The following CEP57L1 variants were observed in gnomAD, a reference collection of about 807,000 sequenced individuals.
CEP57L1 encodes centrosomal protein 57 like 1, also known as centrosomal protein CEP57L1.
A neutral mutation model predicts 61.0 loss-of-function variants in CEP57L1; 37 were observed. That is an observed-to-expected ratio of 0.61 (90% CI 0.47 to 0.80). CEP57L1 has a LOEUF of 0.80. Among genes scored for constraint, CEP57L1 ranks in the 30% least tolerant of loss-of-function variants. The pLI is 0.00. For synonymous variants in CEP57L1, 137 were observed against 162.3 expected (o/e 0.84, Z 1.19); for missense variants, 422 against 524.7 (o/e 0.80, Z 1.91).
chr6:109,135,132 C>T (rs1379192066), intron 1 of CEP57L1, among the ~76,000 whole-genome samples: 1 of 152,140 alleles, frequency 6.6e-6, no homozygotes, highest in Non-Finnish European at 1.5e-5. Flanking sequence ...AAGAACAAAG[C>T]TGGAGGCATC....
At chr6:109,126,223 G>T (rs2114729673) in intron 1 of CEP57L1, among the ~76,000 whole-genome samples, 1 of 152,266 alleles carries the variant, frequency 6.6e-6, no homozygotes, top group African/African-American at 2.4e-5. Flanking sequence ...TTTATGTTGA[G>T]ATAAGAGACA....
chr6:109,149,698 A>G (rs1772378938), intron 3 of CEP57L1, among the ~76,000 whole-genome samples: 1 of 152,108 alleles, frequency 6.6e-6, no homozygotes, highest in Non-Finnish European at 1.5e-5. Context: ...GAATCTATAA[A>G]TTACTTTGGG....
At chr6:109,141,280 A>T (rs1384361517) in intron 1 of CEP57L1, among the ~76,000 whole-genome samples, 1 of 151,946 alleles carries the variant, frequency 6.6e-6, no homozygotes, top group African/African-American at 2.4e-5. Flanking sequence ...TAGTGGCGCA[A>T]TCTCGGCTCA....
intron 1 of CEP57L1, among the ~76,000 whole-genome samples, chr6:109,113,725 ATATT>A (rs1194883554): frequency 6.6e-6 from 1 of 152,140 alleles, no homozygotes; most frequent in Non-Finnish European, 1.5e-5. Context: ...ACAGTAGTAA[ATATT>A]TATTAAATAT....
intron 1 of CEP57L1, among the ~76,000 whole-genome samples, chr6:109,141,610 T>A (rs1229727587): frequency 1.3e-5 from 2 of 152,080 alleles, no homozygotes; most frequent in African/African-American, 4.8e-5. Flanking sequence ...CATCTTAACA[T>A]TTTGGTGATT....
chr6:109,110,772 T>C (rs56410714), intron 1 of CEP57L1, among the ~76,000 whole-genome samples: 6,892 of 152,304 alleles, frequency 0.045, 318 homozygotes, highest in African/African-American at 0.11. Flanking sequence ...GCACCATTTA[T>C]TAAATAGGGA....
intron 1 of CEP57L1, among the ~76,000 whole-genome samples, chr6:109,134,390 T>A (rs1394413797): frequency 6.6e-6 from 1 of 152,126 alleles, no homozygotes; most frequent in Non-Finnish European, 1.5e-5. Flanking sequence ...TCTCAATAAA[T>A]TAGGTATTGA....
chr6:109,118,588 G>A (rs1430326139), intron 1 of CEP57L1, among the ~76,000 whole-genome samples: 4 of 152,206 alleles, frequency 2.6e-5, no homozygotes, highest in Non-Finnish European at 4.4e-5. Context: ...TGGGTCAAAC[G>A]TCACTGTAGT....
At chr6:109,155,912 C>T (rs1334669981) in intron 7 of CEP57L1, 35 bp downstream of exon 7, 2 of 935,696 alleles carry the variant, frequency 2.1e-6, no homozygotes, top group Non-Finnish European at 3.4e-6. Flanking sequence ...AACAAAAATA[C>T]TGCTAATACT....
intron 1 of CEP57L1, among the ~76,000 whole-genome samples, chr6:109,102,221 A>G (rs1298113266): frequency 6.6e-6 from 1 of 152,100 alleles, no homozygotes; most frequent in Non-Finnish European, 1.5e-5. Context: ...TTTTAGAGGC[A>G]GGGTCTCCCT....
In CEP57L1 at chr6:109,114,897, C is replaced by G. The variant is rs1772101860; in HGVS notation, c.-4+19322C>G. Among the ~76,000 whole-genome samples the G allele has an allele frequency of 2.0e-5, 3 of 151,978 alleles. No individual in the cohort carries two copies. In the South Asian group the frequency reaches 6.2e-4, roughly 32 times the overall value. On this transcript the variant is annotated intron_variant, in intron 1 of 10. Coordinates refer to ENST00000517392, the MANE Select transcript of CEP57L1 (RefSeq NM_001271852.3). ...GTAAATATTTGAGGTGATGGATATGCTAATTACTCTGATATGATCATTCCA... is the reference window on the plus strand; with the variant it reads ...GTAAATATTTGAGGTGATGGATATGGTAATTACTCTGATATGATCATTCCA...
At chr6:109,112,216 A>G (rs1032900184) in intron 1 of CEP57L1, among the ~76,000 whole-genome samples, 16 of 152,248 alleles carry the variant, frequency 1.1e-4, no homozygotes, top group Non-Finnish European at 8.8e-5. Flanking sequence ...TTATTGGTCT[A>G]TTCCGGGATT....
intron 1 of CEP57L1, among the ~76,000 whole-genome samples, chr6:109,133,203 G>A (rs1477848337): frequency 1.3e-5 from 2 of 152,084 alleles, no homozygotes; most frequent in Non-Finnish European, 2.9e-5. Context: ...AGCAGGGACC[G>A]GTTTTATGGA....
At chr6:109,158,879 G>A (rs1015188640) in intron 7 of CEP57L1, 146 bp from the exon 8 acceptor site, 14 of 699,856 alleles carry the variant, frequency 2.0e-5, no homozygotes, top group Non-Finnish European at 2.7e-5. Flanking sequence ...TTTGTCATAC[G>A]TATGTCTATG....
chr6:109,147,565 CT>C (rs1772105200), intron 3 of CEP57L1, among the ~76,000 whole-genome samples: 1 of 151,634 alleles, frequency 6.6e-6, no homozygotes, highest in South Asian at 2.1e-4. Context: ...TGTGTTTCAA[CT>C]TAGAAGTAGA....
At chr6:109,115,131 ACTTC>A (rs1772125994) in intron 1 of CEP57L1, among the ~76,000 whole-genome samples, 1 of 152,186 alleles carries the variant, frequency 6.6e-6, no homozygotes, top group East Asian at 1.9e-4. Flanking sequence ...TACATTAACA[ACTTC>A]AAAAATCTTC....
intron 1 of CEP57L1, among the ~76,000 whole-genome samples, chr6:109,096,569 G>A (rs1413628574): frequency 6.6e-6 from 1 of 152,172 alleles, no homozygotes; most frequent in African/African-American, 2.4e-5. Context: ...GGTGCTTTTT[G>A]TGTATTGATG....
chr6:109,162,070 G>A (rs764825093), intron 10 of CEP57L1, among the ~76,000 whole-genome samples: 1 of 151,840 alleles, frequency 6.6e-6, no homozygotes, highest in Non-Finnish European at 1.5e-5. Flanking sequence ...AGGTGATAAA[G>A]TTATTCCCTT....
At chr6:109,154,993 A>G (rs1773070374) in intron 5 of CEP57L1, among the ~76,000 whole-genome samples, 1 of 152,060 alleles carries the variant, frequency 6.6e-6, no homozygotes, top group South Asian at 2.1e-4. Flanking sequence ...GTGTGTGTAT[A>G]TTCTTTGCTT....
Sources: allele counts gnomAD v4.1 joint callset (sites outside exome capture counted in the v4.1 genomes callset), GRCh38; gene constraint gnomAD v4.1.1; transcripts MANE v1.5; gene names NCBI Gene and HGNC (gene_info 2026-07-23, HGNC 2026-07-21).